Variants in TEX11 observed in about 807,000 individuals in gnomAD.
The protein encoded by TEX11 is testis-expressed protein 11.
TEX11 carries 7 observed loss-of-function variants against 84.4 expected under a neutral mutation model. The observed-to-expected ratio is 0.08, with a 90% CI of 0.05 to 0.16. The LOEUF is 0.16. Ranked by LOEUF, TEX11 falls within the 10% of genes least tolerant of loss-of-function variation. TEX11 has a pLI of 1.00. For missense variants in TEX11, 551 were observed against 660.5 expected (o/e 0.83, Z 1.82); for synonymous variants, 264 against 222.8 (o/e 1.18, Z -1.64).
chrX:70,541,202 A>C (rs1209012808), intron 28 of TEX11, among the ~76,000 whole-genome samples: 9 of 111,005 alleles, frequency 8.1e-5, no homozygotes, highest in Non-Finnish European at 1.7e-4. Context: ...AGCCAATCTC[A>C]AAAAGTTATG....
At chrX:70,782,785 C>A (rs747415015) in intron 9 of TEX11, among the ~76,000 whole-genome samples, 1 of 110,480 alleles carries the variant, frequency 9.1e-6, no homozygotes, top group Admixed American at 9.8e-5. Context: ...AGCTAACTAT[C>A]TTAAATATAT....
intron 25 of TEX11, among the ~76,000 whole-genome samples, chrX:70,573,983 G>A (rs760805577): frequency 8.9e-6 from 1 of 111,972 alleles, no homozygotes; most frequent in South Asian, 3.8e-4. Context: ...GACACTTGAT[G>A]AATACTTTAT....
At chrX:70,621,745 A>T (rs1188701136) in intron 20 of TEX11, among the ~76,000 whole-genome samples, 1 of 105,038 alleles carries the variant, frequency 9.5e-6, no homozygotes, top group African/African-American at 3.5e-5. Context: ...ACATATAAAG[A>T]CTGTGGTCAG....
chrX:70,730,093 C>T (rs1427197044), intron 11 of TEX11, among the ~76,000 whole-genome samples: 1 of 111,709 alleles, frequency 9.0e-6, no homozygotes, highest in Non-Finnish European at 1.9e-5. Flanking sequence ...AAATCCTTTA[C>T]AGATAAGCAA....
intron 11 of TEX11, among the ~76,000 whole-genome samples, chrX:70,730,221 C>T (rs902848488): frequency 9.0e-6 from 1 of 111,478 alleles, no homozygotes; most frequent in African/African-American, 3.3e-5. Context: ...ATTGTAAAGA[C>T]CATCAAGGCT....
In TEX11 at chrX:70,756,546, A is replaced by C. The variant is rs191481986; in HGVS notation, c.693-12327T>G. 4.5e-5 allele frequency among the ~76,000 whole-genome samples: 5 copies of C among 112,239 alleles called. No homozygotes were observed. The Admixed American group carries it at 4.7e-4, about 11-fold the overall frequency. On this transcript the variant is annotated intron_variant, in intron 9 of 29. Coordinates refer to ENST00000374333, the MANE Select transcript of TEX11 (RefSeq NM_031276.3). ...CTGAGGGGCTCGACTGTTAGAAGGA[A>C]AACTAACAGAAAGGAATAGCACCAA...
At chrX:70,714,362 G>A (rs5936585) in intron 13 of TEX11, among the ~76,000 whole-genome samples, 58,422 of 109,686 alleles carry the variant, frequency 0.53, 12,642 homozygotes, top group Middle Eastern at 0.72. Flanking sequence ...ACTTTCTGTC[G>A]TGTTGATCTG....
At chrX:70,747,428 A>C (rs1296920117) in intron 9 of TEX11, among the ~76,000 whole-genome samples, 1 of 112,694 alleles carries the variant, frequency 8.9e-6, no homozygotes, top group African/African-American at 3.2e-5. Flanking sequence ...ATAAATGACT[A>C]AACAAACAAT....
At chrX:70,858,675 T>C (rs779456422) in intron 5 of TEX11, among the ~76,000 whole-genome samples, 1 of 111,595 alleles carries the variant, frequency 9.0e-6, no homozygotes, top group Non-Finnish European at 1.9e-5. Context: ...AAAAAATACA[T>C]TGTCTTTTAG....
At chrX:70,793,551 G>T (rs1177346349) in intron 9 of TEX11, among the ~76,000 whole-genome samples, 2 of 111,309 alleles carry the variant, frequency 1.8e-5, no homozygotes, top group Non-Finnish European at 3.8e-5. Flanking sequence ...TTCTGCTTTT[G>T]CCGGGTGAAA....
intron 9 of TEX11, among the ~76,000 whole-genome samples, chrX:70,750,084 C>G (rs1375159973): frequency 1.8e-5 from 2 of 110,985 alleles, no homozygotes; most frequent in African/African-American, 3.3e-5. Context: ...AAGAAAAAAA[C>G]AAACAACCCC....
intron 2 of TEX11, among the ~76,000 whole-genome samples, chrX:70,895,854 C>T (rs2091763748): frequency 8.9e-6 from 1 of 111,917 alleles, no homozygotes; most frequent in African/African-American, 3.2e-5. Flanking sequence ...TTCCCTACAC[C>T]TTATACAAAA....
chrX:70,560,893 GTTTTTTTTTTTT>G (rs745618647), intron 25 of TEX11, among the ~76,000 whole-genome samples: 2 of 33,576 alleles, frequency 6.0e-5, no homozygotes, highest in African/African-American at 1.4e-4. Context: ...CACCACACCG[GTTTTTTTTTTTT>G]TTTTTTTTTT....
intron 24 of TEX11, among the ~76,000 whole-genome samples, chrX:70,604,483 C>G (rs1017521060): frequency 6.3e-5 from 7 of 111,059 alleles, no homozygotes; most frequent in Admixed American, 5.8e-4. Flanking sequence ...TCCCCAGTAC[C>G]TAGAAAAGTG....
chrX:70,592,116 T>C (rs778353876), intron 24 of TEX11, among the ~76,000 whole-genome samples: 1 of 111,669 alleles, frequency 9.0e-6, no homozygotes, highest in Non-Finnish European at 1.9e-5. Flanking sequence ...AGGAGCTCCA[T>C]GGATCCTCTC....
intron 9 of TEX11, among the ~76,000 whole-genome samples, chrX:70,775,252 G>C (rs2147780458): frequency 9.0e-6 from 1 of 111,463 alleles, no homozygotes; most frequent in South Asian, 3.8e-4. Flanking sequence ...AGAAAACATA[G>C]GGAAAATGCT....
chrX:70,690,160 A>G (rs1454478456), intron 13 of TEX11, among the ~76,000 whole-genome samples: 1 of 111,852 alleles, frequency 8.9e-6, no homozygotes. Flanking sequence ...TGACAACTAA[A>G]TGTAATGTGA....
At chrX:70,626,587 C>A (rs1422442981) in intron 18 of TEX11, among the ~76,000 whole-genome samples, 1 of 111,456 alleles carries the variant, frequency 9.0e-6, no homozygotes, top group Non-Finnish European at 1.9e-5. Flanking sequence ...ATTATAACCA[C>A]TCCCTTGTTC....
intron 25 of TEX11, among the ~76,000 whole-genome samples, chrX:70,576,275 A>G (rs1305899563): frequency 8.9e-6 from 1 of 111,950 alleles, no homozygotes; most frequent in Non-Finnish European, 1.9e-5. Context: ...TTTATGATTC[A>G]CTGGCTTTGT....
Sources: gnomAD v4.1 joint callset for allele counts (sites outside exome capture counted in the v4.1 genomes callset) on GRCh38, gnomAD v4.1.1 for gene constraint, MANE v1.5 for transcripts, NCBI Gene and HGNC (gene_info 2026-07-23, HGNC 2026-07-21) for gene names.